DUSP15: variants seen among roughly 807,000 people sequenced by gnomAD.
DUSP15 encodes dual specificity protein phosphatase 15.
Under a neutral mutation model 26.3 loss-of-function variants are expected in DUSP15, and 23 were observed. The ratio of observed to expected loss-of-function variants is 0.87; its 90% CI spans 0.63 to 1.24. The LOEUF is 1.24. DUSP15 is among the 50% of genes most tolerant of loss of function. The pLI is 0.00. For missense variants in DUSP15, 364 were observed against 320.6 expected, an observed-to-expected ratio of 1.14 and a Z score of -1.03; for synonymous variants, 143 against 135.5, an observed-to-expected ratio of 1.06 and a Z score of -0.39.
chr20:31,849,718 A>G (rs1223864267), intron 8 of DUSP15: 1 of 1,531,564 alleles, frequency 6.5e-7, no homozygotes, highest in African/African-American at 1.4e-5. Flanking sequence ...GGCGCTGGGC[A>G]ATGGGTCGGG....
chr20:31,869,778 G>T, intron 1 of DUSP15, 181 bp from the exon 2 acceptor site: 1 of 1,453,310 alleles, frequency 6.9e-7, no homozygotes, highest in Non-Finnish European at 9.1e-7. Flanking sequence ...TGGGGCTCTG[G>T]GGAGGGTAGG....
rs188983287 is a variant in DUSP15, at chr20:31,863,482, C to T, written c.263+425G>A. 357 of 162,132 alleles carry T rather than the reference C, an allele frequency of 2.2e-3. 2 individuals are homozygous for T. The highest frequency in any genetic ancestry group is 8.1e-3 in the African/African-American group (340 of 41,884). The allele number at this position is 162,132 out of a possible 1,614,324, so 10.0% of individuals were successfully genotyped here. On this transcript the variant is annotated intron_variant, in intron 5 of 6. Transcript: ENST00000339738. ...TAAGGAATGAATGACATCAACTGAG[C>T]GAGGGGCACCTGGGAAGACCCAGAA...
intron 6 of DUSP15, among the ~76,000 whole-genome samples, chr20:31,852,534 G>A (rs2062488229): frequency 6.6e-6 from 1 of 152,180 alleles, no homozygotes; most frequent in African/African-American, 2.4e-5. Context: ...ATGTTGGCCG[G>A]GCATGGTGGC....
At position 31,870,146 on chromosome 20, in the gene DUSP15, AGAGAGGGG is replaced by A; in HGVS notation, c.21+163_21+170del. 1 of 1,229,928 alleles carries A rather than the reference AGAGAGGGG, an allele frequency of 8.1e-7. No individual in the cohort carries two copies. The highest frequency in any genetic ancestry group is 1.0e-6 in the Non-Finnish European group (1 of 985,694). The allele number at this position is 1,229,928 out of a possible 1,614,324, so 76.2% of individuals were successfully genotyped here. A position where few individuals can be genotyped will look rare whatever the true frequency, so the allele number is the denominator to read the frequency against. ...ACAGCGGGGACAGAGACGCAGGGTC[AGAGAGGGG>A]GAGACCCGACAGCCGCGGTCTCGAG... On this transcript the variant is annotated intron_variant, in intron 1 of 6. Coordinates refer to ENST00000339738, the MANE Select transcript of DUSP15 (RefSeq NM_080611.5). This position sits in a 1 kb window ranked among gnomAD's most constrained non-coding sequence, Gnocchi z 6.6.
At chr20:31,849,739 T>G in exon 8 of DUSP15, 1 of 1,539,738 alleles carries the variant, frequency 6.5e-7, no homozygotes, top group Non-Finnish European at 8.7e-7. Context: ...GAAGCGAACC[T>G]GCTGCAACGT....
At chr20:31,850,360 G>A (rs940732610) in intron 7 of DUSP15, among the ~76,000 whole-genome samples, 2 of 152,208 alleles carry the variant, frequency 1.3e-5, no homozygotes, top group Non-Finnish European at 1.5e-5. Flanking sequence ...GTGACCTCAG[G>A]CAAGGTTCTT....
downstream of DUSP15, among the ~76,000 whole-genome samples, chr20:31,860,605 T>TGTA (rs2062629121): frequency 6.6e-6 from 1 of 152,234 alleles, no homozygotes; most frequent in African/African-American, 2.4e-5. Flanking sequence ...TCTGGCTGTG[T>TGTA]GTGCTCCGGC....
At chr20:31,850,908 G>A (rs924744644) in intron 6 of DUSP15, among the ~76,000 whole-genome samples, 2 of 152,174 alleles carry the variant, frequency 1.3e-5, no homozygotes, top group Non-Finnish European at 2.9e-5. Flanking sequence ...CTGAGCATTG[G>A]GAGAAGAGGC....
chr20:31,849,761 C>A (rs1352315523), exon 8 of DUSP15: 5 of 1,540,390 alleles, frequency 3.2e-6, no homozygotes, highest in South Asian at 2.4e-5. Flanking sequence ...AGGTGGCGGC[C>A]CCAGCAGGCG....
downstream of DUSP15, among the ~76,000 whole-genome samples, chr20:31,847,269 G>A (rs755695952): frequency 6.6e-6 from 1 of 152,180 alleles, no homozygotes; most frequent in Non-Finnish European, 1.5e-5. Context: ...TATGAGCCTA[G>A]GATTCTGTAA....
chr20:31,861,537 C>T lies in DUSP15; in HGVS notation c.574G>A (p.Ala192Thr), dbSNP rs1319971698. 2 of 1,512,736 alleles carry T rather than the reference C, an allele frequency of 1.3e-6. No individual in the cohort carries two copies. The highest frequency in any genetic ancestry group is 1.8e-6 in the Non-Finnish European group (2 of 1,138,674). The allele number at this position is 1,512,736 out of a possible 1,614,324, so 93.7% of individuals were successfully genotyped here. A position where few individuals can be genotyped will look rare whatever the true frequency, so the allele number is the denominator to read the frequency against. ...SASSAGPHSA[A>T]SEGTVQRLVP... ...AGGCGCTGCACGGTTCCCTCGGAGG[C>T]TGCTGAGTGCGGCCCGGCGGAGGAG... is the stretch of plus-strand genomic sequence containing the variant. Residue 192 changes from alanine (A) to threonine (T), a missense_variant, in exon 7 of 7, where the codon GCC (alanine) becomes ACC (threonine). Physicochemically the swap from Ala to Thr is moderately conservative, Grantham distance 58. Coordinates refer to ENST00000339738, the MANE Select transcript of DUSP15 (RefSeq NM_080611.5).
At chr20:31,854,921 C>A (rs1783957851) in intron 6 of DUSP15, among the ~76,000 whole-genome samples, 1 of 152,232 alleles carries the variant, frequency 6.6e-6, no homozygotes, top group Non-Finnish European at 1.5e-5. Context: ...CCAACCAACA[C>A]ATAACCTTGT....
chr20:31,848,812 C>T, exon 9 of DUSP15: 1 of 1,611,062 alleles, frequency 6.2e-7, no homozygotes, highest in South Asian at 1.1e-5. Flanking sequence ...TCACGTCCGC[C>T]ATGATGAGCT....
At chr20:31,867,041 G>GC in intron 3 of DUSP15, 30 bp downstream of exon 3, 2 of 1,550,574 alleles carry the variant, frequency 1.3e-6, no homozygotes, top group Non-Finnish European at 1.7e-6. Flanking sequence ...TCCCACCCCC[G>GC]CATAGCCCTG....
At chr20:31,869,877 A>C in intron 1 of DUSP15, 4 of 1,394,196 alleles carry the variant, frequency 2.9e-6, no homozygotes, top group Non-Finnish European at 3.7e-6. Flanking sequence ...TTAGGAGGAG[A>C]GGAGAGGAGA....
upstream of DUSP15, chr20:31,870,543 G>A: frequency 6.9e-7 from 1 of 1,451,368 alleles, no homozygotes; most frequent in South Asian, 1.4e-5. The surrounding 1 kb of genome is among the most constrained non-coding windows in gnomAD (Gnocchi z 6.6). Flanking sequence ...TGGAGCCGCC[G>A]CTGCCACCGC....
At chr20:31,869,844 A>G in intron 1 of DUSP15, 1 of 1,414,516 alleles carries the variant, frequency 7.1e-7, no homozygotes, top group South Asian at 1.5e-5. Flanking sequence ...TGGGTATGAG[A>G]GGGGAGAGGA....
At chr20:31,853,675 C>T (rs1317067155) in intron 6 of DUSP15, among the ~76,000 whole-genome samples, 1 of 151,108 alleles carries the variant, frequency 6.6e-6, no homozygotes, top group Non-Finnish European at 1.5e-5. Context: ...GATCAGGGCT[C>T]ACTGCAACCT....
At chr20:31,848,285 G>A (rs8118150) in exon 10 of DUSP15, 260,899 of 1,202,938 alleles carry the variant, frequency 0.22, 32,582 homozygotes, top group African/African-American at 0.46. Flanking sequence ...GTGGAAGGCC[G>A]CGATCCACCT....
Sources: gnomAD v4.1 joint callset for allele counts (sites outside exome capture counted in the v4.1 genomes callset) on GRCh38, gnomAD v4.1.1 for gene constraint, Gnocchi (gnomAD v3.1) non-coding constraint, MANE v1.5 for transcripts, NCBI Gene and HGNC (gene_info 2026-07-23, HGNC 2026-07-21) for gene names.